ITPKB: variants seen among roughly 807,000 people sequenced by gnomAD.
ITPKB encodes the protein inositol-trisphosphate 3-kinase B, also known as IP3 3-kinase B.
In ITPKB, 13 loss-of-function variants were observed where a neutral mutation model predicts 69.4. The observed-to-expected ratio is 0.19, with a 90% CI of 0.12 to 0.30. The LOEUF is 0.30. Ranked by LOEUF, ITPKB falls within the 10% of genes least tolerant of loss-of-function variation. ITPKB has a pLI of 1.00. For missense variants in ITPKB, 1,240 were observed against 1,250.5 expected (o/e 0.99, Z 0.13); for synonymous variants, 584 against 513.7 (o/e 1.14, Z -1.85).
rs142586470 is a variant in ITPKB at position 226,637,719 on chromosome 1, C to T, written c.2585G>A (p.Arg862Gln). ...IAYRDRLKAI[R>Q]TTLEVSPFFK... ...GAAGGGAGAAACTTCTAGAGTGGTT[C>T]GAATGGCCTTCAGCCGGTCCCGATA... is the stretch of plus-strand genomic sequence containing the variant. The change falls in exon 7 of 8, where the codon CGA becomes CAA. Residue 862 changes from arginine (R) to glutamine (Q), a missense_variant. Arg to Gln is a conservative substitution (Grantham distance 43). Around this residue, in one of 2 missense-constraint regions of ITPKB, gnomAD observed 248 missense variants for 396.7 expected, o/e 0.63. Coordinates refer to ENST00000429204, the MANE Select transcript of ITPKB (RefSeq NM_002221.4). The surrounding 1 kb of genome is among the most constrained non-coding windows in gnomAD (Gnocchi z 4.3). 1.2e-5 allele frequency: 19 copies of T among 1,613,888 alleles called. No individual in the cohort carries two copies. The highest frequency in any genetic ancestry group is 4.0e-5 in the African/African-American group (3 of 74,926).
At chr1:226,700,277 T>C (rs1648767260) in intron 2 of ITPKB, among the ~76,000 whole-genome samples, 1 of 152,014 alleles carries the variant, frequency 6.6e-6, no homozygotes, top group Non-Finnish European at 1.5e-5. Flanking sequence ...GAGACCATCC[T>C]GGCCAACATG....
chr1:226,643,035 C>T (rs561707441), intron 4 of ITPKB, among the ~76,000 whole-genome samples: 4 of 152,334 alleles, frequency 2.6e-5, no homozygotes, highest in Admixed American at 6.5e-5. Flanking sequence ...CCCACCCCAT[C>T]GACACCAGGC....
chr1:226,717,799 G>A (rs903788308), intron 2 of ITPKB, among the ~76,000 whole-genome samples: 1 of 152,186 alleles, frequency 6.6e-6, no homozygotes, highest in African/African-American at 2.4e-5. Context: ...AGGACACTGG[G>A]AGCAGGAAGC....
At chr1:226,726,576 TGAG>T (rs921155460) in intron 2 of ITPKB, among the ~76,000 whole-genome samples, 11 of 151,736 alleles carry the variant, frequency 7.2e-5, no homozygotes, top group African/African-American at 2.2e-4. Context: ...CTCGGGAGGC[TGAG>T]GTGTGAGGAT....
At chr1:226,654,042 T>C (rs577157723) in intron 2 of ITPKB, among the ~76,000 whole-genome samples, 63 of 151,680 alleles carry the variant, frequency 4.2e-4, no homozygotes, top group Non-Finnish European at 7.8e-4. Context: ...CTCAGAGAAA[T>C]GTGGAAAGAA....
intron 2 of ITPKB, among the ~76,000 whole-genome samples, chr1:226,700,401 G>A (rs567314528): frequency 4.3e-4 from 64 of 149,588 alleles, no homozygotes; most frequent in Non-Finnish European, 3.8e-4. Flanking sequence ...TCCGGGAGGC[G>A]GAGATTGCAG....
At chr1:226,667,116 G>A (rs1327446982) in intron 2 of ITPKB, among the ~76,000 whole-genome samples, 2 of 152,074 alleles carry the variant, frequency 1.3e-5, no homozygotes, top group Admixed American at 6.6e-5. Context: ...ACTCAAAAAG[G>A]CTAATCGCTT....
intron 2 of ITPKB, among the ~76,000 whole-genome samples, chr1:226,681,024 C>A (rs1656080484): frequency 6.6e-6 from 1 of 152,212 alleles, no homozygotes; most frequent in Non-Finnish European, 1.5e-5. Context: ...GAGATGCATG[C>A]TCTCTGAAAC....
chr1:226,693,342 C>T (rs530318756), intron 2 of ITPKB, among the ~76,000 whole-genome samples: 85 of 152,282 alleles, frequency 5.6e-4, no homozygotes, highest in East Asian at 9.6e-4. Context: ...TGCTGTCGAG[C>T]GATGATGGGC....
At chr1:226,639,979 G>A (rs1259320002) in intron 5 of ITPKB, among the ~76,000 whole-genome samples, 1 of 152,176 alleles carries the variant, frequency 6.6e-6, no homozygotes, top group East Asian at 1.9e-4. Flanking sequence ...GGCCTGTCCT[G>A]GGTGCAACAG....
chr1:226,683,710 G>A (rs904292460), intron 2 of ITPKB, among the ~76,000 whole-genome samples: 6 of 152,120 alleles, frequency 3.9e-5, no homozygotes, highest in Non-Finnish European at 7.3e-5. Context: ...CTGAGTTTGA[G>A]CAACACATCA....
At chr1:226,732,718 A>C (rs996557956) in intron 2 of ITPKB, among the ~76,000 whole-genome samples, 1 of 152,170 alleles carries the variant, frequency 6.6e-6, no homozygotes, top group African/African-American at 2.4e-5. Context: ...ACCGCTGGTT[A>C]ATTTTTAGTT....
intron 3 of ITPKB, among the ~76,000 whole-genome samples, chr1:226,647,877 G>A (rs1057080137): frequency 6.6e-6 from 1 of 152,282 alleles, no homozygotes; most frequent in African/African-American, 2.4e-5. Flanking sequence ...GCCAGACCAA[G>A]TAAGTATTCA....
At chr1:226,711,434 A>G (rs913807402) in intron 2 of ITPKB, among the ~76,000 whole-genome samples, 1 of 130,880 alleles carries the variant, frequency 7.6e-6, no homozygotes, top group Admixed American at 7.7e-5. Context: ...AGAGAGAGAG[A>G]GAGAGAGAGT....
chr1:226,736,444 G>A lies in ITPKB; in HGVS notation c.1015C>T (p.Pro339Ser), dbSNP rs1657766883. Residue 339 changes from proline (P) to serine (S), a missense_variant, in exon 2 of 8, where the codon CCA (proline) becomes TCA (serine). This residue lies in a region of ITPKB where 992 missense variants were observed against 853.8 expected (regional missense o/e 1.16). Transcript: ENST00000429204. ...RARELEDLQP[P>S]EALVERQGQF... is the part of the protein sequence containing the mutation. Reference sequence around the variant, plus strand: ...CCCTGCCTCTCCACCAGGGCCTCTGGGGGCTGCAGGTCCTCAAGCTCACGG... The same window carrying A: ...CCCTGCCTCTCCACCAGGGCCTCTGAGGGCTGCAGGTCCTCAAGCTCACGG... 1 of 1,613,408 alleles carries A rather than the reference G, an allele frequency of 6.2e-7. No individual in the cohort carries two copies. Among genetic ancestry groups the A allele is most frequent in the Admixed American group, 1.7e-5 (1 of 60,006 alleles).
intron 2 of ITPKB, among the ~76,000 whole-genome samples, chr1:226,711,434 A>AGT (rs1348310568): frequency 4.6e-5 from 6 of 130,880 alleles, no homozygotes; most frequent in African/African-American, 1.7e-4. Context: ...AGAGAGAGAG[A>AGT]GAGAGAGAGT....
Position 226,634,957 on chromosome 1 carries a change from TG to T in ITPKB, c.2626-72del. On this transcript the variant is annotated intron_variant, in intron 7 of 7. Transcript: ENST00000429204. The surrounding 1 kb of genome is among the most constrained non-coding windows in gnomAD (Gnocchi z 6.3). ...GCCCTCCCCACTGCGGCCCGGGGCC[TG>T]GGTGACCAGGTGGGGAGGCTCGCTC... 8.0e-7 allele frequency: 1 copy of T among 1,250,060 alleles called. No individual in the cohort carries two copies. The highest frequency in any genetic ancestry group is 1.1e-6 in the Non-Finnish European group (1 of 885,538). The allele number at this position is 1,250,060 out of a possible 1,614,324, so 77.4% of individuals were successfully genotyped here.
intron 2 of ITPKB, among the ~76,000 whole-genome samples, chr1:226,715,760 C>T (rs1399196515): frequency 6.6e-6 from 1 of 152,178 alleles, no homozygotes; most frequent in Non-Finnish European, 1.5e-5. Context: ...TTGAAACCTT[C>T]AAAACGTGCA....
chr1:226,727,753 T>C (rs1309978987), intron 2 of ITPKB, among the ~76,000 whole-genome samples: 1 of 152,128 alleles, frequency 6.6e-6, no homozygotes, highest in Non-Finnish European at 1.5e-5. Context: ...AGACCAACTT[T>C]ATAAATGTGA....
Sources: gnomAD v4.1 joint callset for allele counts (sites outside exome capture counted in the v4.1 genomes callset) on GRCh38, gnomAD v4.1.1 for gene constraint, gnomAD v4.1.1 regional missense constraint, Gnocchi (gnomAD v3.1) non-coding constraint, MANE v1.5 for transcripts, NCBI Gene and HGNC (gene_info 2026-07-23, HGNC 2026-07-21) for gene names.